NBPF11: variants seen among roughly 807,000 people sequenced by gnomAD.
NBPF11 encodes the protein NBPF family member NBPF11.
Under a neutral mutation model 93.9 loss-of-function variants are expected in NBPF11, and 72 were observed. The ratio of observed to expected loss-of-function variants is 0.77; its 90% CI spans 0.63 to 0.93. The LOEUF is 0.93. Ranked by LOEUF, NBPF11 falls within the 40% of genes least tolerant of loss-of-function variation. The probability of loss-of-function intolerance (pLI) is 0.00; values close to 1 mark genes in which losing one functional copy is unlikely to be tolerated. For missense variants in NBPF11, 705 were observed against 802.2 expected, an observed-to-expected ratio of 0.88 and a Z score of 1.46; for synonymous variants, 224 against 304.9, an observed-to-expected ratio of 0.73 and a Z score of 2.76.
chr1:148,140,325 A>G (rs1311871115), intron 2 of NBPF11, among the ~76,000 whole-genome samples: 1 of 151,942 alleles, frequency 6.6e-6, no homozygotes, highest in African/African-American at 2.4e-5. Context: ...ATCCTAGGAG[A>G]TAACATAGGA....
intron 4 of NBPF11, among the ~76,000 whole-genome samples, chr1:148,132,252 TGTGGGG>T (rs1216554412): frequency 6.8e-6 from 1 of 146,064 alleles, no homozygotes; most frequent in Non-Finnish European, 1.5e-5. Context: ...TGTGTGTGTG[TGTGGGG>T]GTGTGTATAC....
At chr1:148,124,871 C>T (rs782286288) in intron 6 of NBPF11, 28 bp downstream of exon 6, 10 of 1,604,924 alleles carry the variant, frequency 6.2e-6, no homozygotes, top group East Asian at 2.2e-5. Context: ...CACCTACCTG[C>T]CTGTCTCCCC....
chr1:148,108,871 AC>A (rs1664518228), intron 17 of NBPF11, among the ~76,000 whole-genome samples: 48 of 150,428 alleles, frequency 3.2e-4, no homozygotes, highest in Non-Finnish European at 6.1e-4. Context: ...ACACACACAC[AC>A]ACACACACAC....
rs1262032940 is a variant in NBPF11, at chr1:148,137,967, G to A, written c.-276-158C>T. Among the ~76,000 whole-genome samples, 6 of 149,442 alleles carry A rather than the reference G, an allele frequency of 4.0e-5. 1 individual carries two copies. Among genetic ancestry groups the A allele is most frequent in the African/African-American group, 7.4e-5 (3 of 40,588 alleles). On this transcript the variant is annotated intron_variant, in intron 2 of 23. Transcript: ENST00000682118. ...CCCAGGGGACTGGCGTTCAGCATAC[G>A]GAGGACCCATGCCTGCACTGGCCTC... is the stretch of plus-strand genomic sequence containing the variant.
At chr1:148,142,227 A>G (rs2149293810) in intron 2 of NBPF11, among the ~76,000 whole-genome samples, 1 of 151,994 alleles carries the variant, frequency 6.6e-6, no homozygotes, top group Admixed American at 6.5e-5. Context: ...ATCCAGGGGA[A>G]CTTACACCAC....
chr1:148,146,726 G>A (rs1673171640), intron 1 of NBPF11: 1 of 1,612,118 alleles, frequency 6.2e-7, no homozygotes, highest in South Asian at 1.1e-5. Flanking sequence ...CCTGGTGCCA[G>A]GTACACGGTC....
At chr1:148,104,278 A>G (rs1663001055) in intron 23 of NBPF11, among the ~76,000 whole-genome samples, 1 of 145,358 alleles carries the variant, frequency 6.9e-6, no homozygotes, top group African/African-American at 2.7e-5. Context: ...AGTTTTCCAT[A>G]AAATATGCTC....
rs781993711 is a variant in NBPF11 at position 148,123,209 on chromosome 1, G to A, written c.494-408C>T. Reference sequence around the variant, plus strand: ...AAACTTGTCCCACAGTCCTCTATGCGTCATGAGACTGCACAGGCCCTCCAT... The same window carrying A: ...AAACTTGTCCCACAGTCCTCTATGCATCATGAGACTGCACAGGCCCTCCAT... On this transcript the variant is annotated intron_variant, in intron 7 of 23. Transcript: ENST00000682118. Among the ~76,000 whole-genome samples, 842 of 140,060 alleles carry A rather than the reference G, an allele frequency of 6.0e-3. 2 individuals are homozygous for A. Among genetic ancestry groups the A allele is most frequent in the African/African-American group, 6.1e-3 (221 of 36,108 alleles). 91.9% of individuals were successfully genotyped at this position (140,060 alleles called of 152,430 possible).
chr1:148,149,766 A>G (rs1434315182), intron 1 of NBPF11, among the ~76,000 whole-genome samples: 2 of 150,126 alleles, frequency 1.3e-5, no homozygotes, highest in African/African-American at 5.0e-5. Context: ...ATACGTGAAA[A>G]CGGAAATTAA....
Position 148,103,549 on chromosome 1 carries a change from C to G in NBPF11, c.*347G>C. On this transcript the variant is annotated 3_prime_UTR_variant, in exon 24 of 24. Transcript: ENST00000682118. Reference sequence around the variant, plus strand: ...CATGCTCTGAGAATAGGAATAGAGCCATGCCCACTGACCCATCCTATGTCT... The same window carrying G: ...CATGCTCTGAGAATAGGAATAGAGCGATGCCCACTGACCCATCCTATGTCT... The G allele has an allele frequency of 1.3e-6, 2 of 1,561,800 alleles. No homozygotes were observed. The highest frequency in any genetic ancestry group is 1.7e-6 in the Non-Finnish European group (2 of 1,145,880).
In NBPF11 at chr1:148,120,610, C is replaced by T. The variant is rs2149228860; in HGVS notation, c.879G>A (p.Glu293=). ...KAEMNILEIN[E]KLCPQLAEKK... The stretch of plus-strand genomic sequence containing the variant: ...TCTCTGCCAGCTGGGGGCACAATTT[C>T]TCATTGATTTCTAGAATGTTCATCT... Residue 293 remains glutamate, a synonymous_variant, in exon 10 of 24, where the codon GAG becomes GAA. Transcript: ENST00000682118. The T allele has an allele frequency of 6.6e-7, 1 of 1,514,162 alleles. No homozygotes were observed. The highest frequency in any genetic ancestry group is 2.3e-5 in the East Asian group (1 of 44,138). 93.8% of individuals were successfully genotyped at this position (1,514,162 alleles called of 1,614,324 possible).
chr1:148,106,871 T>C, intron 20 of NBPF11, 71 bp downstream of exon 20: 2 of 794,440 alleles, frequency 2.5e-6, no homozygotes, highest in Non-Finnish European at 4.4e-6. Context: ...TAAGGGCCAC[T>C]TGGAACAGGA....
In NBPF11 at chr1:148,118,737, ACACGCCTGC is replaced by A; in HGVS notation, c.989-24_989-16del. ...CTCTTCATATTCTGAGAAAAGACAG[ACACGCCTGC>A]ATCAGTGGAAGGCTGGACATGCTGC... On this transcript the variant is annotated splice_polypyrimidine_tract_variant and intron_variant, in intron 10 of 23. Transcript: ENST00000682118. 5 of 1,605,760 alleles carry A rather than the reference ACACGCCTGC, an allele frequency of 3.1e-6. No homozygotes were observed. Among genetic ancestry groups the A allele is most frequent in the Non-Finnish European group, 4.3e-6 (5 of 1,174,642 alleles).
At chr1:148,147,554 C>T (rs1325205531) in intron 1 of NBPF11, among the ~76,000 whole-genome samples, 20 of 152,012 alleles carry the variant, frequency 1.3e-4, no homozygotes, top group Admixed American at 1.0e-3. Flanking sequence ...CGAGGAGACC[C>T]GGCTGGGCCT....
chr1:148,107,429 T>G (rs1442491660), intron 19 of NBPF11, among the ~76,000 whole-genome samples: 1 of 151,094 alleles, frequency 6.6e-6, no homozygotes, highest in Admixed American at 6.6e-5. Context: ...ACAGTGATCA[T>G]GAAAAGAGTG....
At position 148,112,823 on chromosome 1, in the gene NBPF11, C is replaced by T. The variant is rs1218286410; in HGVS notation, c.1637+1614G>A. Among the ~76,000 whole-genome samples, 13 of 149,542 alleles carry T rather than the reference C, an allele frequency of 8.7e-5. No homozygotes were observed. The East Asian group carries it at 2.4e-3, about 28-fold the overall frequency. The stretch of plus-strand genomic sequence containing the variant: ...CATCCTCTCCAGCACCTTCAACATT[C>T]TTAAAGAAAAGAATTTTCAACCAAG... On this transcript the variant is annotated intron_variant, in intron 15 of 23. Coordinates refer to ENST00000682118, the MANE Select transcript of NBPF11 (RefSeq NM_001385469.3).
chr1:148,106,370 G>A (rs1469523476), intron 20 of NBPF11, 138 bp from the exon 21 acceptor site: 13 of 698,406 alleles, frequency 1.9e-5, no homozygotes, highest in Non-Finnish European at 3.4e-5. Flanking sequence ...TACTTCAGGA[G>A]GCCTGAAAGC....
At chr1:148,141,515 G>A (rs1672164126) in intron 2 of NBPF11, among the ~76,000 whole-genome samples, 2 of 152,060 alleles carry the variant, frequency 1.3e-5, no homozygotes, top group African/African-American at 4.8e-5. Flanking sequence ...CCATACCAAG[G>A]TTTTGGTGGC....
chr1:148,110,088 T>C (rs1173953876), intron 16 of NBPF11, among the ~76,000 whole-genome samples: 1 of 151,730 alleles, frequency 6.6e-6, no homozygotes, highest in Non-Finnish European at 1.5e-5. Context: ...GGGCATGTGC[T>C]GCACAGTTTG....
Sources: gnomAD v4.1 joint callset for allele counts (sites outside exome capture counted in the v4.1 genomes callset) on GRCh38, gnomAD v4.1.1 for gene constraint, MANE v1.5 for transcripts, NCBI Gene and HGNC (gene_info 2026-07-23, HGNC 2026-07-21) for gene names.